MACROD2: variants seen among roughly 807,000 people sequenced by gnomAD.
MACROD2 encodes the protein ADP-ribose glycohydrolase MACROD2.
A neutral mutation model predicts 70.4 loss-of-function variants in MACROD2; 36 were observed. The ratio of observed to expected loss-of-function variants is 0.51; its 90% CI spans 0.39 to 0.68. The LOEUF is 0.68. MACROD2 is among the 30% of genes least tolerant of loss of function. MACROD2 has a pLI of 0.00. For missense variants in MACROD2, 496 were observed against 538.4 expected (o/e 0.92, Z 0.78); for synonymous variants, 172 against 178.8 (o/e 0.96, Z 0.30).
At chr20:14,223,801 A>G (rs1265191627) in intron 3 of MACROD2, among the ~76,000 whole-genome samples, 2 of 152,122 alleles carry the variant, frequency 1.3e-5, no homozygotes, top group East Asian at 3.9e-4. Context: ...CCTGGCCTCT[A>G]CATTCTTCAT....
At chr20:14,672,994 TTGGAGACCA>T (rs1321886901) in intron 4 of MACROD2, among the ~76,000 whole-genome samples, 2 of 152,222 alleles carry the variant, frequency 1.3e-5, no homozygotes, top group East Asian at 3.8e-4. Context: ...TAGCCTCACT[TTGGAGACCA>T]TGCATCAAGC....
At chr20:14,648,153 T>G (rs1405212945) in intron 4 of MACROD2, among the ~76,000 whole-genome samples, 1 of 152,046 alleles carries the variant, frequency 6.6e-6, no homozygotes, top group Non-Finnish European at 1.5e-5. Flanking sequence ...GTAATACAGG[T>G]CAGGATTATA....
intron 3 of MACROD2, among the ~76,000 whole-genome samples, chr20:14,380,797 T>C (rs2083413597): frequency 6.6e-6 from 1 of 152,174 alleles, no homozygotes; most frequent in African/African-American, 2.4e-5. Context: ...TATACTGCTT[T>C]AATTATTGTA....
chr20:15,295,259 T>G (rs2077575620), intron 6 of MACROD2, among the ~76,000 whole-genome samples: 1 of 152,218 alleles, frequency 6.6e-6, no homozygotes, highest in South Asian at 2.1e-4. Flanking sequence ...CCATTAAACC[T>G]CTTTTTCTTT....
chr20:15,421,145 A>G (rs1375677116), intron 6 of MACROD2, among the ~76,000 whole-genome samples: 1 of 152,148 alleles, frequency 6.6e-6, no homozygotes, highest in Non-Finnish European at 1.5e-5. Context: ...TGGGAGGCTG[A>G]GACAGGCGGA....
chr20:14,720,535 A>AATTTTTT (rs2071453094), intron 5 of MACROD2, among the ~76,000 whole-genome samples: 1 of 42,820 alleles, frequency 2.3e-5, no homozygotes, highest in Non-Finnish European at 4.6e-5. Flanking sequence ...CTGCCCCACA[A>AATTTTTT]CTTTTTTTTT....
At chr20:15,230,102 C>A in intron 6 of MACROD2, 41 bp downstream of exon 6, 1 of 1,582,806 alleles carries the variant, frequency 6.3e-7, no homozygotes, top group South Asian at 1.1e-5. Flanking sequence ...TCTTTTTCAA[C>A]CTTTATGCTT....
At chr20:15,792,917 C>T (rs924017937) in intron 8 of MACROD2, among the ~76,000 whole-genome samples, 4 of 152,202 alleles carry the variant, frequency 2.6e-5, no homozygotes, top group South Asian at 2.1e-4. Flanking sequence ...GATCACATAA[C>T]GGACCTGGCT....
chr20:14,192,485 A>G (rs1350362625), intron 3 of MACROD2, among the ~76,000 whole-genome samples: 1 of 152,146 alleles, frequency 6.6e-6, no homozygotes, highest in Non-Finnish European at 1.5e-5. Context: ...ATAGTGGGAT[A>G]CTTTAAGTAA....
intron 8 of MACROD2, among the ~76,000 whole-genome samples, chr20:15,581,002 G>A (rs1335572055): frequency 6.6e-6 from 1 of 152,166 alleles, no homozygotes; most frequent in Non-Finnish European, 1.5e-5. Flanking sequence ...CCTGCAACAT[G>A]AGTTCAGTCA....
intron 3 of MACROD2, among the ~76,000 whole-genome samples, chr20:14,215,988 T>C (rs1040526103): frequency 1.3e-5 from 2 of 152,204 alleles, no homozygotes; most frequent in Non-Finnish European, 2.9e-5. Context: ...ACTGTTCCTT[T>C]TGCTGTGCAA....
At chr20:14,483,702 A>G (rs1489285972) in intron 3 of MACROD2, among the ~76,000 whole-genome samples, 1 of 152,182 alleles carries the variant, frequency 6.6e-6, no homozygotes, top group Non-Finnish European at 1.5e-5. Context: ...CACCATGCCC[A>G]GCCTATCTTC....
intron 5 of MACROD2, among the ~76,000 whole-genome samples, chr20:15,028,058 T>C (rs74347803): frequency 0.063 from 9,634 of 152,226 alleles, 434 homozygotes; most frequent in African/African-American, 0.12. Flanking sequence ...AGATGATGCA[T>C]GAAGATCCTG....
At chr20:14,612,888 T>C (rs1286032019) in intron 4 of MACROD2, among the ~76,000 whole-genome samples, 1 of 152,142 alleles carries the variant, frequency 6.6e-6, no homozygotes, top group Non-Finnish European at 1.5e-5. Flanking sequence ...TGTACCTTGC[T>C]CTATATCTAA....
At chr20:14,374,206 A>G (rs909402973) in intron 3 of MACROD2, among the ~76,000 whole-genome samples, 6 of 152,186 alleles carry the variant, frequency 3.9e-5, no homozygotes, top group African/African-American at 1.4e-4. Context: ...AGCTTCTAAC[A>G]AGGTATATTC....
intron 5 of MACROD2, among the ~76,000 whole-genome samples, chr20:14,973,331 T>A (rs1004791276): frequency 6.7e-6 from 1 of 148,860 alleles, no homozygotes; most frequent in African/African-American, 2.5e-5. Flanking sequence ...CAAGTGATTC[T>A]CCTACATCAG....
intron 5 of MACROD2, among the ~76,000 whole-genome samples, chr20:14,781,369 C>A (rs1486496393): frequency 6.6e-6 from 1 of 151,388 alleles, no homozygotes; most frequent in Non-Finnish European, 1.5e-5. Flanking sequence ...GATTTCACTA[C>A]GTGGTGGAAT....
chr20:14,675,808 C>T (rs2070853474), intron 4 of MACROD2, among the ~76,000 whole-genome samples: 3 of 152,046 alleles, frequency 2.0e-5, no homozygotes, highest in Non-Finnish European at 4.4e-5. Flanking sequence ...AGACCCATCT[C>T]ATGTGCAAAG....
In MACROD2 at chr20:14,518,775, A is replaced by C. The variant is rs562321489; in HGVS notation, c.301+25267A>C. Among the ~76,000 whole-genome samples the C allele has an allele frequency of 7.9e-5, 12 of 152,294 alleles. No homozygotes were observed. In the East Asian group the frequency reaches 2.1e-3, roughly 27 times the overall value. Reference sequence around the variant, plus strand: ...ACATTCAGCAAGGGAGATAAGACTAAAGTGTTTATATCAGCACTCATAGGA... The same window carrying C: ...ACATTCAGCAAGGGAGATAAGACTACAGTGTTTATATCAGCACTCATAGGA... On this transcript the variant is annotated intron_variant, in intron 4 of 17. Transcript: ENST00000684519.
Sources: gnomAD v4.1 joint callset for allele counts (sites outside exome capture counted in the v4.1 genomes callset) on GRCh38, gnomAD v4.1.1 for gene constraint, MANE v1.5 for transcripts, NCBI Gene and HGNC (gene_info 2026-07-23, HGNC 2026-07-21) for gene names.